The following SUSD6 variants were observed in gnomAD, a reference collection of about 807,000 sequenced individuals.
SUSD6 encodes the protein sushi domain containing 6, also known as sushi domain-containing protein 6.
Under a neutral mutation model 28.4 loss-of-function variants are expected in SUSD6, and 16 were observed. The observed-to-expected ratio is 0.56, with a 90% confidence interval of 0.38 to 0.86. The LOEUF is 0.86. SUSD6 is among the 40% of genes least tolerant of loss of function. SUSD6 has a pLI of 0.00. For synonymous variants in SUSD6, 147 were observed against 159.6 expected (o/e 0.92, Z 0.59); for missense variants, 341 against 384.2 (o/e 0.89, Z 0.94).
At chr14:69,659,620 C>T (rs1010303384) in intron 2 of SUSD6, among the ~76,000 whole-genome samples, 7 of 152,148 alleles carry the variant, frequency 4.6e-5, no homozygotes, top group African/African-American at 1.4e-4. Context: ...CGGGTTCCAG[C>T]GATTCTCCTG....
intron 1 of SUSD6, among the ~76,000 whole-genome samples, chr14:69,623,095 C>T (rs1222252750): frequency 6.6e-6 from 1 of 152,094 alleles, no homozygotes; most frequent in Non-Finnish European, 1.5e-5. Flanking sequence ...GGGAAACCTC[C>T]TAGGATTGCA....
At position 69,691,215 on chromosome 14, in the gene SUSD6, C is replaced by T. The variant is rs867750338; in HGVS notation, c.122-12180C>T. Among the ~76,000 whole-genome samples, 4 of 152,292 alleles carry T rather than the reference C, an allele frequency of 2.6e-5. No individual in the cohort carries two copies. The Middle Eastern group carries it at 0.01, about 389-fold the overall frequency. On this transcript the variant is annotated intron_variant, in intron 2 of 5. Coordinates refer to ENST00000342745, the MANE Select transcript of SUSD6 (RefSeq NM_014734.4). ...AAAATTAGCCGGACTTGGTGGTGTGCACCTGTAATCCCAGCTACACAAGAG... is the reference window on the plus strand; with the variant it reads ...AAAATTAGCCGGACTTGGTGGTGTGTACCTGTAATCCCAGCTACACAAGAG...
chr14:69,646,092 A>G (rs1164625278), intron 1 of SUSD6, among the ~76,000 whole-genome samples: 1 of 152,040 alleles, frequency 6.6e-6, no homozygotes, highest in Non-Finnish European at 1.5e-5. Flanking sequence ...ATCTGCCTTC[A>G]CCACTCCGAT....
intron 1 of SUSD6, among the ~76,000 whole-genome samples, chr14:69,650,559 C>G (rs1885488927): frequency 6.6e-6 from 1 of 152,220 alleles, no homozygotes; most frequent in Admixed American, 6.5e-5. Flanking sequence ...CATGTTGAAG[C>G]TGGGTTTGGA....
At chr14:69,627,938 CT>C (rs35196621) in intron 1 of SUSD6, among the ~76,000 whole-genome samples, 31,496 of 144,756 alleles carry the variant, frequency 0.22, 3,615 homozygotes, top group African/African-American at 0.3. Context: ...CCCAAAGTGA[CT>C]TTTTTTTTTT....
At chr14:69,648,538 T>G (rs1214198778) in intron 1 of SUSD6, among the ~76,000 whole-genome samples, 1 of 152,014 alleles carries the variant, frequency 6.6e-6, no homozygotes, top group East Asian at 1.9e-4. Context: ...TTTTGGTGAG[T>G]TTTTAAAGTT....
rs74060256 is a variant in SUSD6, at chr14:69,658,728, G to A, written c.121+15G>A. ...ACTTGCTTCCGGTAAGTCCTGACCT[G>A]CCTTCTGTGTGTGGGTGGGAAAATA... is the stretch of plus-strand genomic sequence containing the variant. On this transcript the variant is annotated intron_variant, in intron 2 of 5. Coordinates refer to ENST00000342745, the MANE Select transcript of SUSD6 (RefSeq NM_014734.4). 8,286 of 1,613,620 alleles carry A rather than the reference G, an allele frequency of 5.1e-3. 358 individuals are homozygous for A. The African/African-American group carries it at 0.096, about 19-fold the overall frequency.
At chr14:69,682,305 C>G (rs553951431) in intron 2 of SUSD6, among the ~76,000 whole-genome samples, 1 of 152,214 alleles carries the variant, frequency 6.6e-6, no homozygotes, top group South Asian at 2.1e-4. Flanking sequence ...CCACTGCAGT[C>G]AAGCCTGGGT....
chr14:69,625,043 C>T (rs1167680797), intron 1 of SUSD6, among the ~76,000 whole-genome samples: 1 of 152,158 alleles, frequency 6.6e-6, no homozygotes, highest in East Asian at 1.9e-4. Flanking sequence ...AGGTATGTGT[C>T]TGACAACTAA....
intron 2 of SUSD6, among the ~76,000 whole-genome samples, chr14:69,691,964 G>C (rs1246646432): frequency 6.6e-6 from 1 of 151,680 alleles, no homozygotes; most frequent in Non-Finnish European, 1.5e-5. Flanking sequence ...GCTTGAACCC[G>C]GGAGGCGGAG....
chr14:69,703,512 T>C lies in SUSD6; in HGVS notation c.239T>C (p.Leu80Ser), dbSNP rs747655690. Residue 80 changes from leucine (L) to serine (S), a missense_variant, in exon 3 of 6, where the codon TTG becomes TCG. Coordinates refer to ENST00000342745, the MANE Select transcript of SUSD6 (RefSeq NM_014734.4). Reference sequence around the variant, plus strand: ...TACCTGTGTGCTGAAGGCTACATGTTGAAGGGCGATTACAAATACCTGACG... The same window carrying C: ...TACCTGTGTGCTGAAGGCTACATGTCGAAGGGCGATTACAAATACCTGACG... ...IEYLCAEGYM[L>S]KGDYKYLTCK... The C allele has an allele frequency of 1.2e-6, 2 of 1,614,168 alleles. No individual in the cohort carries two copies. The highest frequency in any genetic ancestry group is 1.1e-5 in the South Asian group (1 of 91,086).
At chr14:69,629,884 T>C (rs978535445) in intron 1 of SUSD6, among the ~76,000 whole-genome samples, 4 of 152,184 alleles carry the variant, frequency 2.6e-5, no homozygotes, top group Non-Finnish European at 5.9e-5. Context: ...GGCAAACAGC[T>C]CCCACGGTCG....
intron 1 of SUSD6, among the ~76,000 whole-genome samples, chr14:69,633,569 A>T (rs528104020): frequency 6.6e-6 from 1 of 152,176 alleles, no homozygotes; most frequent in African/African-American, 2.4e-5. Context: ...CTTGGTTCAG[A>T]TTAATTTCTT....
Position 69,658,651 on chromosome 14 carries a change from G to T in SUSD6, c.59G>T (p.Gly20Val), listed in dbSNP as rs763846976. ...STSVFAVASV[G>V]HGVFLPLVIL... ...TCAGTGTTTGCCGTGGCCTCCGTGG[G>T]ACATGGAGTGTTCCTTCCGCTAGTG... The change falls in exon 2 of 6, where the codon GGA (glycine) becomes GTA (valine). Residue 20 changes from glycine (G) to valine (V), a missense_variant. Physicochemically the swap from Gly to Val is moderately radical, Grantham distance 109. Transcript: ENST00000342745. The T allele has an allele frequency of 6.2e-7, 1 of 1,614,102 alleles. No homozygotes were observed. Among genetic ancestry groups the T allele is most frequent in the South Asian group, 1.1e-5 (1 of 91,072 alleles).
chr14:69,686,536 C>T (rs1031138768), intron 2 of SUSD6, among the ~76,000 whole-genome samples: 5 of 152,044 alleles, frequency 3.3e-5, no homozygotes, highest in Non-Finnish European at 5.9e-5. Context: ...AAGACATACC[C>T]GAGACTGAGC....
rs1219185955 is a variant in SUSD6 at position 69,656,109 on chromosome 14, CCTTCCT to C, written c.-80-2390_-80-2385del. Among the ~76,000 whole-genome samples the C allele has an allele frequency of 7.3e-5, 11 of 150,250 alleles. No individual in the cohort carries two copies. The South Asian group carries it at 1.1e-3, about 14-fold the overall frequency. ...TTTCCTTCCTTCCTCCTTTCCTTTC[CCTTCCT>C]CTTCCTCTTCCTCCATTCTTCCCTC... On this transcript the variant is annotated intron_variant, in intron 1 of 5. Coordinates refer to ENST00000342745, the MANE Select transcript of SUSD6 (RefSeq NM_014734.4).
chr14:69,652,621 A>G, intron 1 of SUSD6, among the ~76,000 whole-genome samples: 1 of 152,204 alleles, frequency 6.6e-6, no homozygotes, highest in East Asian at 1.9e-4. Context: ...CACCTTCAGC[A>G]GGACTATGGC....
At chr14:69,613,844 G>A (rs1249842279) in intron 1 of SUSD6, among the ~76,000 whole-genome samples, 1 of 152,178 alleles carries the variant, frequency 6.6e-6, no homozygotes, top group Non-Finnish European at 1.5e-5. Context: ...AGGTGCCAGG[G>A]TGCTCAGTGT....
intron 2 of SUSD6, among the ~76,000 whole-genome samples, chr14:69,690,081 A>G (rs1245586599): frequency 1.3e-5 from 2 of 152,208 alleles, no homozygotes; most frequent in African/African-American, 2.4e-5. Context: ...TTATCTACCA[A>G]CATGCAGTGT....
Sources: allele counts gnomAD v4.1 joint callset (sites outside exome capture counted in the v4.1 genomes callset), GRCh38; gene constraint gnomAD v4.1.1; transcripts MANE v1.5; gene names NCBI Gene and HGNC (gene_info 2026-07-23, HGNC 2026-07-21).